Variants in CHRNB3 observed in about 807,000 individuals in gnomAD.
The protein encoded by CHRNB3 is cholinergic receptor nicotinic beta 3 subunit.
In CHRNB3, 37 loss-of-function variants were observed where a neutral mutation model predicts 40.6. The observed-to-expected ratio is 0.91, with a 90% CI of 0.70 to 1.20. The LOEUF (loss-of-function observed/expected upper bound fraction) is 1.20, where lower values mean the gene tolerates loss of function less well. CHRNB3 is among the 50% of genes most tolerant of loss of function. The pLI is 0.00. For synonymous variants in CHRNB3, 207 were observed against 207.1 expected (o/e 1.00, Z 0.00); for missense variants, 505 against 551.2 (o/e 0.92, Z 0.84).
At chr8:42,721,595 A>G (rs1816218593) in intron 3 of CHRNB3, among the ~76,000 whole-genome samples, 1 of 151,764 alleles carries the variant, frequency 6.6e-6, no homozygotes, top group South Asian at 2.1e-4. Flanking sequence ...ATGGTGGTGC[A>G]CTCCTGTAGT....
chr8:42,731,737 A>T lies in CHRNB3; in HGVS notation c.430A>T (p.Thr144Ser), dbSNP rs1219243790. Reference protein sequence around the residue: ...IVKSNGTVVWTPPASYKSSCT... With the variant: ...IVKSNGTVVWSPPASYKSSCT... ...GAAATCAAACGGAACTGTTGTCTGGACCCCTCCCGCCAGCTACAAAAGCTC... is the reference window on the plus strand; with the variant it reads ...GAAATCAAACGGAACTGTTGTCTGGTCCCCTCCCGCCAGCTACAAAAGCTC... The change falls in exon 5 of 6, where the codon ACC becomes TCC. Residue 144 changes from threonine (T) to serine (S), a missense_variant. Transcript: ENST00000289957. 1 of 1,613,680 alleles carries T rather than the reference A, an allele frequency of 6.2e-7. No homozygotes were observed. Among genetic ancestry groups the T allele is most frequent in the South Asian group, 1.1e-5 (1 of 91,058 alleles).
chr8:42,706,895 G>A (rs1429621319), intron 1 of CHRNB3, among the ~76,000 whole-genome samples: 1 of 152,056 alleles, frequency 6.6e-6, no homozygotes, highest in Admixed American at 6.6e-5. Flanking sequence ...CAAGTAGCTG[G>A]GACTATAGGG....
chr8:42,726,297 T>C, intron 3 of CHRNB3: 1 of 587,938 alleles, frequency 1.7e-6, no homozygotes, highest in East Asian at 2.7e-5. Context: ...TTATTCAGAT[T>C]GGAAAGGAAG....
At chr8:42,702,848 C>T (rs1193526836) in intron 1 of CHRNB3, among the ~76,000 whole-genome samples, 3 of 152,138 alleles carry the variant, frequency 2.0e-5, no homozygotes, top group South Asian at 2.1e-4. Flanking sequence ...ATGCTAACAG[C>T]AAAACATCAA....
chr8:42,716,487 C>CA (rs1816108290), intron 3 of CHRNB3, among the ~76,000 whole-genome samples: 1 of 152,142 alleles, frequency 6.6e-6, no homozygotes, highest in Non-Finnish European at 1.5e-5. Flanking sequence ...ACAGCGGCAG[C>CA]AGAGATACTG....
intron 5 of CHRNB3, 135 bp from the exon 6 acceptor site, chr8:42,736,349 T>C (rs1227355770): frequency 2.8e-6 from 3 of 1,061,884 alleles, no homozygotes; most frequent in Non-Finnish European, 4.2e-6. Flanking sequence ...TGTAGTGTGG[T>C]TGGGACATTA....
At chr8:42,721,848 G>C (rs553172710) in intron 3 of CHRNB3, 4 of 152,202 alleles carry the variant, frequency 2.6e-5, no homozygotes, top group Admixed American at 1.3e-4. Flanking sequence ...TGCCAACTCT[G>C]ATTTGGTTGC....
At chr8:42,716,441 G>C (rs930162956) in intron 3 of CHRNB3, among the ~76,000 whole-genome samples, 1 of 152,080 alleles carries the variant, frequency 6.6e-6, no homozygotes, top group Non-Finnish European at 1.5e-5. Flanking sequence ...CCAAAACTGG[G>C]GCTTAGTCTG....
At position 42,736,562 on chromosome 8, in the gene CHRNB3, G is replaced by C. The variant is rs771683869; in HGVS notation, c.1321G>C (p.Gly441Arg). The C allele has an allele frequency of 6.2e-7, 1 of 1,614,142 alleles. No individual in the cohort carries two copies. Among genetic ancestry groups the C allele is most frequent in the Non-Finnish European group, 8.5e-7 (1 of 1,180,028 alleles). The change falls in exon 6 of 6, where the codon GGC becomes CGC. Residue 441 changes from glycine (G) to arginine (R), a missense_variant. Coordinates refer to ENST00000289957, the MANE Select transcript of CHRNB3 (RefSeq NM_000749.5). ...LWLFLIVSVT[G>R]SVLIFTPALK... ...GCTCTTTCTGATAGTGTCAGTAACA[G>C]GCTCGGTTCTGATTTTTACCCCTGC...
At position 42,700,019 on chromosome 8, in the gene CHRNB3, C is replaced by CTTTTTTTTTT. The variant is rs573615558; in HGVS notation, c.52+2424_52+2433dup. Among the ~76,000 whole-genome samples, 343 of 140,878 alleles carry CTTTTTTTTTT rather than the reference C, an allele frequency of 2.4e-3. 2 individuals carry two copies. Among genetic ancestry groups the CTTTTTTTTTT allele is most frequent in the African/African-American group, 8.5e-3 (326 of 38,342 alleles). The allele number at this position is 140,878 out of a possible 152,430, so 92.4% of individuals were successfully genotyped here. A position where few individuals can be genotyped will look rare whatever the true frequency, so the allele number is the denominator to read the frequency against. ...TTGGAATTCTTCAATAATTTCTTTT[C>CTTTTTTTTTT]TTTTTTTTTTTTGAGATGGAGTCTC... On this transcript the variant is annotated intron_variant, in intron 1 of 5. Transcript: ENST00000289957.
At chr8:42,716,543 G>A (rs977369422) in intron 3 of CHRNB3, among the ~76,000 whole-genome samples, 3 of 152,002 alleles carry the variant, frequency 2.0e-5, no homozygotes, top group Admixed American at 2.0e-4. Context: ...CCCAGGCTAG[G>A]GCTGCAGGCA....
rs1458072435 is a variant in CHRNB3, at chr8:42,736,575, T to C, written c.1334T>C (p.Ile445Thr). The C allele has an allele frequency of 6.2e-7, 1 of 1,614,204 alleles. No individual in the cohort carries two copies. Among genetic ancestry groups the C allele is most frequent in the African/African-American group, 1.3e-5 (1 of 75,056 alleles). The change falls in exon 6 of 6, where the codon ATT (isoleucine) becomes ACT (threonine). Residue 445 changes from isoleucine to threonine, a missense_variant. Physicochemically the swap from Ile to Thr is moderately conservative, Grantham distance 89. Coordinates refer to ENST00000289957, the MANE Select transcript of CHRNB3 (RefSeq NM_000749.5). ...GTGTCAGTAACAGGCTCGGTTCTGA[T>C]TTTTACCCCTGCTTTGAAGATGTGG... ...LIVSVTGSVLIFTPALKMWLH... is the reference protein window; with the variant it reads ...LIVSVTGSVLTFTPALKMWLH...
intron 3 of CHRNB3, among the ~76,000 whole-genome samples, chr8:42,712,607 T>C (rs946495908): frequency 2.0e-5 from 3 of 152,300 alleles, no homozygotes; most frequent in African/African-American, 7.2e-5. Flanking sequence ...AAAAATACCA[T>C]TTAAATAAAC....
chr8:42,714,278 A>G lies in CHRNB3; in HGVS notation c.249+3844A>G, dbSNP rs1285612512. On this transcript the variant is annotated intron_variant, in intron 3 of 5. Transcript: ENST00000289957. ...TGGGAGGCTGAGGCAGGTGGATCAC[A>G]AGGTCAGGAGATTGAGACCATCCTG... 1.2e-3 allele frequency among the ~76,000 whole-genome samples: 185 copies of G among 151,776 alleles called. 1 individual carries two copies. The highest frequency in any genetic ancestry group is 4.3e-3 in the African/African-American group (176 of 41,264).
chr8:42,713,208 T>C (rs1486838593), intron 3 of CHRNB3, among the ~76,000 whole-genome samples: 1 of 152,004 alleles, frequency 6.6e-6, no homozygotes, highest in Non-Finnish European at 1.5e-5. Flanking sequence ...ATGGGTATAG[T>C]AGGTCTTTTC....
At chr8:42,729,887 G>A (rs1312158683) in intron 3 of CHRNB3, among the ~76,000 whole-genome samples, 1 of 152,024 alleles carries the variant, frequency 6.6e-6, no homozygotes, top group African/African-American at 2.4e-5. Flanking sequence ...TCAATTCATG[G>A]TCAGGTTTAT....
intron 5 of CHRNB3, 34 bp from the exon 6 acceptor site, chr8:42,736,450 T>C: frequency 1.2e-6 from 2 of 1,612,850 alleles, no homozygotes; most frequent in Non-Finnish European, 8.5e-7. Flanking sequence ...TTGCTCAGTG[T>C]CTTGAGTGAA....
At chr8:42,734,964 T>C (rs970811261) in intron 5 of CHRNB3, among the ~76,000 whole-genome samples, 4 of 151,966 alleles carry the variant, frequency 2.6e-5, no homozygotes, top group Non-Finnish European at 4.4e-5. Context: ...CTCACGCCTG[T>C]AATCCCAGCA....
chr8:42,712,078 C>T (rs1389293179), intron 3 of CHRNB3, among the ~76,000 whole-genome samples: 2 of 151,986 alleles, frequency 1.3e-5, no homozygotes, highest in Non-Finnish European at 1.5e-5. Flanking sequence ...CTGCAACCTC[C>T]GCCTCCCGGG....
Sources: allele counts gnomAD v4.1 joint callset (sites outside exome capture counted in the v4.1 genomes callset), GRCh38; gene constraint gnomAD v4.1.1; transcripts MANE v1.5; gene names NCBI Gene and HGNC (gene_info 2026-07-23, HGNC 2026-07-21).